SCHIP1: variants seen among roughly 807,000 people sequenced by gnomAD.
SCHIP1 encodes schwannomin-interacting protein 1.
SCHIP1 carries 8 observed loss-of-function variants against 29.7 expected under a neutral mutation model. That is an observed-to-expected ratio of 0.27 (90% CI 0.16 to 0.49). The LOEUF (loss-of-function observed/expected upper bound fraction) is 0.49. SCHIP1 is among the 20% of genes least tolerant of loss of function. The pLI is 0.99. For synonymous variants in SCHIP1, 76 were observed against 94.9 expected, an observed-to-expected ratio of 0.80 and a Z score of 1.16; for missense variants, 193 against 294.6, an observed-to-expected ratio of 0.66 and a Z score of 2.52.
chr3:159,643,445 A>T, the SCHIP1 span, among the ~76,000 whole-genome samples: 3 of 152,066 alleles, frequency 2.0e-5, no homozygotes, highest in Non-Finnish European at 4.4e-5. Flanking sequence ...TTACAACAGG[A>T]GCCATTACTG....
chr3:159,823,252 T>G, the SCHIP1 span, among the ~76,000 whole-genome samples: 24 of 152,176 alleles, frequency 1.6e-4, 1 homozygote, highest in Middle Eastern at 6.8e-3. Flanking sequence ...AGTTCATACT[T>G]AGAGCAAGAT....
the SCHIP1 span, among the ~76,000 whole-genome samples, chr3:159,335,049 G>A: frequency 6.6e-6 from 1 of 151,876 alleles, no homozygotes; most frequent in South Asian, 2.1e-4. Context: ...ACAGGTGTGT[G>A]CCACCACACC....
the SCHIP1 span, among the ~76,000 whole-genome samples, chr3:159,346,053 G>T: frequency 6.6e-6 from 1 of 151,840 alleles, no homozygotes; most frequent in African/African-American, 2.4e-5. Flanking sequence ...AATTAGCTGG[G>T]CATGGTGGCA....
chr3:159,805,877 C>T, the SCHIP1 span, among the ~76,000 whole-genome samples: 504 of 149,854 alleles, frequency 3.4e-3, 3 homozygotes, highest in African/African-American at 0.012. Context: ...GGAGCGATCT[C>T]GGCTCACTGC....
chr3:159,767,698 C>T, the SCHIP1 span, among the ~76,000 whole-genome samples: 2 of 152,138 alleles, frequency 1.3e-5, no homozygotes, highest in Non-Finnish European at 2.9e-5. Context: ...AAGCAAGTGT[C>T]TGGTTCCTTC....
At chr3:159,551,839 G>T in the SCHIP1 span, among the ~76,000 whole-genome samples, 1 of 152,082 alleles carries the variant, frequency 6.6e-6, no homozygotes, top group Non-Finnish European at 1.5e-5. Flanking sequence ...CATTAGGGAT[G>T]CCAGAATTCA....
At chr3:159,395,298 G>GT in the SCHIP1 span, among the ~76,000 whole-genome samples, 10 of 151,994 alleles carry the variant, frequency 6.6e-5, no homozygotes, top group Admixed American at 2.6e-4. Flanking sequence ...TTTTTGAAGG[G>GT]TTTTTTGTGT....
the SCHIP1 span, among the ~76,000 whole-genome samples, chr3:159,378,390 C>T: frequency 1.3e-5 from 2 of 152,142 alleles, no homozygotes; most frequent in Admixed American, 6.5e-5. Flanking sequence ...AAGGTCTTTT[C>T]TAAGAGGTAT....
At chr3:159,697,306 G>A in the SCHIP1 span, among the ~76,000 whole-genome samples, 1 of 152,186 alleles carries the variant, frequency 6.6e-6, no homozygotes, top group Non-Finnish European at 1.5e-5. Context: ...TAGGTAGTTT[G>A]GGGTGCCATT....
chr3:159,720,653 C>T, the SCHIP1 span, among the ~76,000 whole-genome samples: 187 of 152,094 alleles, frequency 1.2e-3, no homozygotes, highest in African/African-American at 4.4e-3. Context: ...GGCACCATCT[C>T]GGCTCACTGC....
At chr3:159,278,170 C>T in the SCHIP1 span, among the ~76,000 whole-genome samples, 1 of 152,144 alleles carries the variant, frequency 6.6e-6, no homozygotes, top group Non-Finnish European at 1.5e-5. Flanking sequence ...TTTCTTCATT[C>T]AACAAATATG....
At chr3:159,463,757 T>TAA in the SCHIP1 span, among the ~76,000 whole-genome samples, 1 of 151,840 alleles carries the variant, frequency 6.6e-6, no homozygotes, top group African/African-American at 2.4e-5. Context: ...TATATATATA[T>TAA]AAGATAGACA....
chr3:159,514,000 A>G, the SCHIP1 span, among the ~76,000 whole-genome samples: 4 of 152,260 alleles, frequency 2.6e-5, no homozygotes, highest in Non-Finnish European at 4.4e-5. Context: ...CTATCTTGAT[A>G]GTAATTCAGG....
the SCHIP1 span, among the ~76,000 whole-genome samples, chr3:159,363,534 CAGAT>C: frequency 6.6e-6 from 1 of 152,174 alleles, no homozygotes; most frequent in Non-Finnish European, 1.5e-5. Flanking sequence ...CCCCACCAGA[CAGAT>C]AGACATCTGT....
the SCHIP1 span, among the ~76,000 whole-genome samples, chr3:159,345,586 C>T: frequency 6.6e-6 from 1 of 151,930 alleles, no homozygotes; most frequent in South Asian, 2.1e-4. Flanking sequence ...CTCTCACTCA[C>T]TCATTCACTC....
rs572217262 is a variant in SCHIP1 at position 159,863,197 on chromosome 3, G to T, written c.31-2966G>T. 1.8e-4 allele frequency among the ~76,000 whole-genome samples: 27 copies of T among 152,240 alleles called. No individual in the cohort carries two copies. In the South Asian group the frequency reaches 4.4e-3, roughly 25 times the overall value. On this transcript the variant is annotated intron_variant, in intron 1 of 6. Coordinates refer to ENST00000445224, the Ensembl canonical transcript of SCHIP1. ...TCTACTAAAAATACAAAAATTAGCTGAGCGTAGTGGCGCGAGCCTGTAGTC... is the reference window on the plus strand; with the variant it reads ...TCTACTAAAAATACAAAAATTAGCTTAGCGTAGTGGCGCGAGCCTGTAGTC...
upstream of SCHIP1, among the ~76,000 whole-genome samples, chr3:159,837,722 GAAA>G (rs1210455659): frequency 7.2e-6 from 1 of 138,728 alleles, no homozygotes; most frequent in African/African-American, 2.6e-5. Flanking sequence ...TCCCCCGCCC[GAAA>G]AAAAAAAAAA....
chr3:159,877,100 G>A (rs898313220), intron 2 of SCHIP1, among the ~76,000 whole-genome samples: 3 of 152,206 alleles, frequency 2.0e-5, no homozygotes, highest in Non-Finnish European at 2.9e-5. Flanking sequence ...TGTAATCCCA[G>A]CACTTTAGGA....
At chr3:159,612,355 T>C in the SCHIP1 span, among the ~76,000 whole-genome samples, 1 of 152,192 alleles carries the variant, frequency 6.6e-6, no homozygotes, top group Non-Finnish European at 1.5e-5. Flanking sequence ...AGAAAATTAA[T>C]CAGGAAATTA....
Sources: gnomAD v4.1 joint callset for allele counts (sites outside exome capture counted in the v4.1 genomes callset) on GRCh38, gnomAD v4.1.1 for gene constraint, MANE v1.5 for transcripts, NCBI Gene and HGNC (gene_info 2026-07-23, HGNC 2026-07-21) for gene names.